RASA2: variants seen among roughly 807,000 people sequenced by gnomAD.
RASA2 encodes RAS p21 protein activator 2.
A neutral mutation model predicts 118.2 loss-of-function variants in RASA2; 155 were observed. That is an observed-to-expected ratio of 1.31 (90% CI 1.15 to 1.50). The LOEUF (loss-of-function observed/expected upper bound fraction) is 1.50. RASA2 is among the 40% of genes most tolerant of loss of function. The probability of loss-of-function intolerance (pLI) is 0.00; values close to 1 mark genes in which losing one functional copy is unlikely to be tolerated. For missense variants in RASA2, 1,016 were observed against 1,009.6 expected (o/e 1.01, Z -0.09); for synonymous variants, 353 against 349.1 (o/e 1.01, Z -0.12).
chr3:141,608,408 T>C, intron 20 of RASA2, 81 bp from the exon 21 acceptor site: 1 of 1,334,002 alleles, frequency 7.5e-7, no homozygotes, highest in Non-Finnish European at 1.1e-6. Context: ...TAGATTCCTT[T>C]AGGTACTTTT....
chr3:141,501,032 A>G (rs6778604), intron 1 of RASA2, among the ~76,000 whole-genome samples: 7,311 of 152,226 alleles, frequency 0.048, 587 homozygotes, highest in African/African-American at 0.17. Flanking sequence ...TCCACTCAAA[A>G]TCATTTTGCC....
At position 141,517,906 on chromosome 3, in the gene RASA2, C is replaced by T. The variant is rs1317559151; in HGVS notation, c.355+1475C>T. Among the ~76,000 whole-genome samples, 11 of 152,034 alleles carry T rather than the reference C, an allele frequency of 7.2e-5. No individual in the cohort carries two copies. In the East Asian group the frequency reaches 2.0e-3, roughly 27 times the overall value. ...TCCTGACCTCGTGATCTGCCCACCT[C>T]GGCCTCCCAAAGTGCTGGGATTACA... On this transcript the variant is annotated intron_variant, in intron 3 of 23. Transcript: ENST00000286364.
chr3:141,562,316 A>G (rs2082741726), intron 9 of RASA2, among the ~76,000 whole-genome samples: 1 of 134,124 alleles, frequency 7.5e-6, no homozygotes. Context: ...TCCTGTCTTC[A>G]GTTAAAAAAA....
chr3:141,580,420 T>C lies in RASA2; in HGVS notation c.1643T>C (p.Leu548Ser), dbSNP rs746696249. The change falls in exon 16 of 24, where the codon TTG (leucine) becomes TCG (serine). Residue 548 changes from leucine to serine, a missense_variant. Leu to Ser is a moderately radical substitution (Grantham distance 145). This residue lies in a region of RASA2 where 896 missense variants were observed against 836.4 expected (regional missense o/e 1.07). Transcript: ENST00000286364. ...LTLISKTIQT[L>S]GSWGSLSKSK... The stretch of plus-strand genomic sequence containing the variant: ...CTCATCTCAAAAACTATACAAACTT[T>C]GGGAAGCTGGGGGAGTCTGTCCAAA... 4 of 1,609,554 alleles carry C rather than the reference T, an allele frequency of 2.5e-6. No individual in the cohort carries two copies. Among genetic ancestry groups the C allele is most frequent in the Non-Finnish European group, 3.4e-6 (4 of 1,176,818 alleles).
chr3:141,487,182 G>A lies in RASA2; in HGVS notation c.99G>A (p.Glu33=). 1 of 1,465,206 alleles carries A rather than the reference G, an allele frequency of 6.8e-7. No homozygotes were observed. The highest frequency in any genetic ancestry group is 9.1e-7 in the Non-Finnish European group (1 of 1,098,966). The allele number at this position is 1,465,206 out of a possible 1,614,324, so 90.8% of individuals were successfully genotyped here. A position where few individuals can be genotyped will look rare whatever the true frequency, so the allele number is the denominator to read the frequency against. The change falls in exon 1 of 24, where the codon GAG becomes GAA. Residue 33 remains glutamate (E), a synonymous_variant. Coordinates refer to ENST00000286364, the MANE Select transcript of RASA2 (RefSeq NM_006506.5). ...EPEAGDQDSR[E]VRVLQSLRGK... The stretch of plus-strand genomic sequence containing the variant: ...AGGCCGGGGACCAGGACAGTCGCGA[G>A]GTTCGAGTGTTGCAGAGCCTGCGGG...
intron 1 of RASA2, among the ~76,000 whole-genome samples, chr3:141,490,302 C>A (rs1450802584): frequency 7.0e-6 from 1 of 143,616 alleles, no homozygotes. Flanking sequence ...TGCTAGAACA[C>A]CTGAAACACA....
rs962042631 is a variant in RASA2, at chr3:141,583,964, A to T, written c.1753-2061A>T. 4.6e-5 allele frequency among the ~76,000 whole-genome samples: 7 copies of T among 152,292 alleles called. No individual in the cohort carries two copies. In the South Asian group the frequency reaches 1.2e-3, roughly 27 times the overall value. On this transcript the variant is annotated intron_variant, in intron 17 of 23. Transcript: ENST00000286364. Reference sequence around the variant, plus strand: ...TAGCTCATTTAGGGGGCAAAATAGGATTCTTCTTTAAGAACAAGAATTGTT... The same window carrying T: ...TAGCTCATTTAGGGGGCAAAATAGGTTTCTTCTTTAAGAACAAGAATTGTT...
chr3:141,533,325 G>GT (rs1406477063), intron 4 of RASA2, among the ~76,000 whole-genome samples: 1 of 152,188 alleles, frequency 6.6e-6, no homozygotes, highest in Non-Finnish European at 1.5e-5. Context: ...TTTGAGTAGA[G>GT]GAAATGAATG....
chr3:141,508,126 TA>T lies in RASA2; in HGVS notation c.134-4027del, dbSNP rs200289337. Among the ~76,000 whole-genome samples, 264 of 148,448 alleles carry T rather than the reference TA, an allele frequency of 1.8e-3. 7 individuals are homozygous for T. In the East Asian group the frequency reaches 0.025, roughly 14 times the overall value. ...TTTTATTGTTTTATAATGACTACAT[TA>T]AAAAAAAAACTAGAATTTGTCCTTC... On this transcript the variant is annotated intron_variant, in intron 1 of 23. Transcript: ENST00000286364.
intron 1 of RASA2, among the ~76,000 whole-genome samples, chr3:141,491,008 C>G (rs1002875231): frequency 6.6e-6 from 1 of 152,244 alleles, no homozygotes; most frequent in African/African-American, 2.4e-5. Context: ...TAATCTTCAT[C>G]TGATGTTCTT....
chr3:141,604,590 G>A (rs1000493378), intron 19 of RASA2, among the ~76,000 whole-genome samples: 3 of 151,844 alleles, frequency 2.0e-5, no homozygotes, highest in Admixed American at 6.6e-5. Context: ...TTGCATCCTT[G>A]CCTATCAATT....
At chr3:141,611,293 T>C (rs940024199) in intron 23 of RASA2, among the ~76,000 whole-genome samples, 2 of 152,198 alleles carry the variant, frequency 1.3e-5, no homozygotes, top group Non-Finnish European at 2.9e-5. Context: ...ACAGATGAGC[T>C]GCAATAATTC....
Position 141,586,109 on chromosome 3 carries a change from C to T in RASA2, c.1826+11C>T. 6.3e-7 allele frequency: 1 copy of T among 1,582,178 alleles called. No individual in the cohort carries two copies. The highest frequency in any genetic ancestry group is 8.7e-7 in the Non-Finnish European group (1 of 1,152,160). On this transcript the variant is annotated intron_variant, in intron 18 of 23. Transcript: ENST00000286364. Reference sequence around the variant, plus strand: ...GCACCTGAAAGAAGGGTAATTTAATCAAATTAGACGTGAAAGTCATATATC... The same window carrying T: ...GCACCTGAAAGAAGGGTAATTTAATTAAATTAGACGTGAAAGTCATATATC...
At chr3:141,608,419 C>G (rs1228106290) in intron 20 of RASA2, 70 bp from the exon 21 acceptor site, 1 of 1,440,978 alleles carries the variant, frequency 6.9e-7, no homozygotes, top group African/African-American at 1.4e-5. Context: ...AGGTACTTTT[C>G]TTCTGTTTTG....
intron 1 of RASA2, among the ~76,000 whole-genome samples, chr3:141,503,551 T>G (rs1040359691): frequency 6.7e-6 from 1 of 150,274 alleles, no homozygotes; most frequent in Non-Finnish European, 1.5e-5. Context: ...TAAAAGCTGC[T>G]GTTTTCTATA....
At chr3:141,531,264 A>C (rs1474443587) in intron 4 of RASA2, among the ~76,000 whole-genome samples, 2 of 151,940 alleles carry the variant, frequency 1.3e-5, no homozygotes, top group African/African-American at 2.4e-5. Flanking sequence ...AAAACTCATA[A>C]ATTTTGTGAA....
At chr3:141,518,482 CAAAAAAAAAAAAAAAAAA>C (rs777543417) in intron 3 of RASA2, among the ~76,000 whole-genome samples, 913 of 27,090 alleles carry the variant, frequency 0.034, 59 homozygotes, top group Admixed American at 0.25. Flanking sequence ...GACACCATCT[CAAAAAAAAAAAAAAAAAA>C]AAAAAAAAAA....
At chr3:141,574,147 T>A in intron 14 of RASA2, 80 bp downstream of exon 14, 1 of 963,156 alleles carries the variant, frequency 1.0e-6, no homozygotes, top group South Asian at 3.9e-5. Flanking sequence ...GTTTGGTTTG[T>A]GAGATATTTA....
intron 19 of RASA2, among the ~76,000 whole-genome samples, chr3:141,596,094 G>T (rs2083361945): frequency 6.6e-6 from 1 of 152,120 alleles, no homozygotes; most frequent in South Asian, 2.1e-4. Flanking sequence ...ATGTGCATTG[G>T]AACATTCAGT....
Sources: allele counts gnomAD v4.1 joint callset (sites outside exome capture counted in the v4.1 genomes callset), GRCh38; gene constraint gnomAD v4.1.1; regional missense constraint gnomAD v4.1.1; transcripts MANE v1.5; gene names NCBI Gene and HGNC (gene_info 2026-07-23, HGNC 2026-07-21).